ZFAT: variants seen among roughly 807,000 people sequenced by gnomAD.
ZFAT encodes the protein zinc finger and AT-hook domain containing, also known as zinc finger protein ZFAT.
A neutral mutation model predicts 117.7 loss-of-function variants in ZFAT; 64 were observed. That is an observed-to-expected ratio of 0.54 (90% CI 0.44 to 0.67). The LOEUF (loss-of-function observed/expected upper bound fraction) is 0.67. ZFAT is among the 30% of genes least tolerant of loss of function. The pLI, the probability that ZFAT is intolerant of heterozygous loss-of-function variation, is 0.00. For synonymous variants in ZFAT, 679 were observed against 615.0 expected, an observed-to-expected ratio of 1.10 and a Z score of -1.54; for missense variants, 1,433 against 1,584.5, an observed-to-expected ratio of 0.90 and a Z score of 1.62.
chr8:134,585,605 C>A (rs1016002188), intron 9 of ZFAT, among the ~76,000 whole-genome samples: 1 of 152,194 alleles, frequency 6.6e-6, no homozygotes, highest in South Asian at 2.1e-4. Context: ...TCTTTGCCCA[C>A]CCACGGGCCG....
intron 9 of ZFAT, among the ~76,000 whole-genome samples, chr8:134,587,098 T>C (rs1826119168): frequency 1.3e-5 from 2 of 152,172 alleles, no homozygotes; most frequent in Non-Finnish European, 2.9e-5. Flanking sequence ...TCCCATCACT[T>C]GGCTTTCAGA....
chr8:134,616,444 CCT>C (rs1432944686), intron 3 of ZFAT, among the ~76,000 whole-genome samples: 1 of 152,174 alleles, frequency 6.6e-6, no homozygotes, highest in Non-Finnish European at 1.5e-5. Context: ...CGTTTTGTCC[CCT>C]GAAATGCCTC....
the ZFAT span, among the ~76,000 whole-genome samples, chr8:134,782,178 TAA>T: frequency 6.6e-6 from 1 of 152,256 alleles, no homozygotes; most frequent in African/African-American, 2.4e-5. Flanking sequence ...TTGTTATTTG[TAA>T]AAGAGGTAGC....
chr8:134,652,485 C>T (rs530696992), intron 2 of ZFAT, among the ~76,000 whole-genome samples: 1 of 152,312 alleles, frequency 6.6e-6, no homozygotes, highest in Admixed American at 6.5e-5. Context: ...TAAATGAACA[C>T]TTACTGTATA....
At chr8:134,752,628 C>G in the ZFAT span, among the ~76,000 whole-genome samples, 1 of 152,106 alleles carries the variant, frequency 6.6e-6, no homozygotes, top group Non-Finnish European at 1.5e-5. Flanking sequence ...GTGGCCTGAA[C>G]AAAAGACATT....
intron 2 of ZFAT, among the ~76,000 whole-genome samples, chr8:134,638,349 T>G (rs1830355605): frequency 6.6e-6 from 1 of 151,980 alleles, no homozygotes; most frequent in African/African-American, 2.4e-5. Context: ...ACAACTTGTG[T>G]TTCTTCTCAA....
chr8:134,495,236 G>A (rs923901842), intron 15 of ZFAT, among the ~76,000 whole-genome samples: 7 of 152,204 alleles, frequency 4.6e-5, no homozygotes, highest in Non-Finnish European at 1.0e-4. Flanking sequence ...CAGGGAGCCA[G>A]CATGGTTAGG....
the ZFAT span, among the ~76,000 whole-genome samples, chr8:134,817,476 T>TA: frequency 6.7e-6 from 1 of 149,070 alleles, no homozygotes; most frequent in Non-Finnish European, 1.5e-5. Context: ...GAACCCAACT[T>TA]ACAGAGGCAT....
At chr8:134,726,801 A>C in the ZFAT span, among the ~76,000 whole-genome samples, 1 of 150,978 alleles carries the variant, frequency 6.6e-6, no homozygotes, top group African/African-American at 2.4e-5. Flanking sequence ...TAGAGATGGG[A>C]TTTTGCCATT....
At chr8:134,648,141 C>T (rs1190460887) in intron 2 of ZFAT, among the ~76,000 whole-genome samples, 1 of 151,902 alleles carries the variant, frequency 6.6e-6, no homozygotes, top group African/African-American at 2.4e-5. Flanking sequence ...CAAATCATCA[C>T]TGTAAACTTA....
At chr8:134,557,906 G>A (rs900769577) in intron 11 of ZFAT, among the ~76,000 whole-genome samples, 14 of 152,210 alleles carry the variant, frequency 9.2e-5, no homozygotes, top group African/African-American at 3.4e-4. Flanking sequence ...GCTGTTTACA[G>A]GAGAACATTT....
chr8:134,479,023 G>T (rs1355334594), intron 15 of ZFAT, among the ~76,000 whole-genome samples: 2 of 152,188 alleles, frequency 1.3e-5, no homozygotes, highest in Non-Finnish European at 2.9e-5. Flanking sequence ...GCTTCCAGGA[G>T]GTGTGGGGTT....
chr8:134,637,451 C>A lies in ZFAT; in HGVS notation c.448+10G>T, dbSNP rs185022493. On this transcript the variant is annotated intron_variant, in intron 3 of 15. Transcript: ENST00000377838. ...GAAATTGACATGTTCAGCCCTTTGG[C>A]AGCATTTACCTGCTTCTCCTTCCTC... 7 of 1,601,408 alleles carry A rather than the reference C, an allele frequency of 4.4e-6. No individual in the cohort carries two copies. In the African/African-American group the frequency reaches 9.3e-5, roughly 21 times the overall value.
At chr8:134,693,610 C>T (rs1203964628) in intron 1 of ZFAT, among the ~76,000 whole-genome samples, 1 of 150,024 alleles carries the variant, frequency 6.7e-6, no homozygotes, top group Non-Finnish European at 1.5e-5. Flanking sequence ...GTTAATTATA[C>T]CTCAATAAAA....
At chr8:134,757,408 CCTGT>C in the ZFAT span, among the ~76,000 whole-genome samples, 1 of 152,094 alleles carries the variant, frequency 6.6e-6, no homozygotes, top group Non-Finnish European at 1.5e-5. Context: ...TGCAGGGATT[CCTGT>C]CTAAGGCAGT....
chr8:134,521,729 T>G (rs1820673816), intron 12 of ZFAT, among the ~76,000 whole-genome samples: 1 of 152,200 alleles, frequency 6.6e-6, no homozygotes, highest in African/African-American at 2.4e-5. Context: ...AAAGTCTCTT[T>G]GAACAGATTG....
the ZFAT span, among the ~76,000 whole-genome samples, chr8:134,744,905 A>AT: frequency 3.3e-5 from 5 of 150,824 alleles, no homozygotes; most frequent in Non-Finnish European, 7.4e-5. Flanking sequence ...ACTTTTTCGT[A>AT]TTTTTAGTGG....
At chr8:134,564,857 G>A (rs558068001) in intron 11 of ZFAT, 18 of 834,132 alleles carry the variant, frequency 2.2e-5, no homozygotes, top group African/African-American at 5.5e-5. Context: ...AAAAGAATAT[G>A]AAATGCCACC....
At chr8:134,620,613 A>G (rs992021735) in intron 3 of ZFAT, among the ~76,000 whole-genome samples, 11 of 152,242 alleles carry the variant, frequency 7.2e-5, no homozygotes, top group Admixed American at 6.5e-4. Context: ...CTGAGATACA[A>G]TGAACCTTCT....
Sources: allele counts gnomAD v4.1 joint callset (sites outside exome capture counted in the v4.1 genomes callset), GRCh38; gene constraint gnomAD v4.1.1; transcripts MANE v1.5; gene names NCBI Gene and HGNC (gene_info 2026-07-23, HGNC 2026-07-21).